The following PLXNA2 variants were observed in gnomAD, a reference collection of about 807,000 sequenced individuals.
PLXNA2 encodes plexin-A2.
Under a neutral mutation model 193.5 loss-of-function variants are expected in PLXNA2, and 91 were observed. That is an observed-to-expected ratio of 0.47 (90% CI 0.40 to 0.56). The LOEUF (loss-of-function observed/expected upper bound fraction) is 0.56. Ranked by LOEUF, PLXNA2 falls within the 20% of genes least tolerant of loss-of-function variation. PLXNA2 has a pLI of 0.00. For synonymous variants in PLXNA2, 997 were observed against 1,027.3 expected, an observed-to-expected ratio of 0.97 and a Z score of 0.56; for missense variants, 1,995 against 2,503.2, an observed-to-expected ratio of 0.80 and a Z score of 4.33.
At chr1:208,216,513 C>T (rs1671133868) in intron 2 of PLXNA2, among the ~76,000 whole-genome samples, 1 of 152,174 alleles carries the variant, frequency 6.6e-6, no homozygotes, top group Non-Finnish European at 1.5e-5. Flanking sequence ...TGTAGGCACT[C>T]AATACATATA....
chr1:208,227,585 G>C lies in PLXNA2; in HGVS notation c.-80-9583C>G, dbSNP rs1419351810. ...TACTTTATGTTAAAGGTCAAAACTT[G>C]AGGCTCCACAGTTCCATTTATGTCT... On this transcript the variant is annotated intron_variant, in intron 1 of 31. Transcript: ENST00000367033. Among the ~76,000 whole-genome samples the C allele has an allele frequency of 2.0e-5, 3 of 152,176 alleles. No homozygotes were observed. In the East Asian group the frequency reaches 5.8e-4, roughly 29 times the overall value.
At chr1:208,052,180 A>C in intron 15 of PLXNA2, 147 bp downstream of exon 15, 1 of 714,552 alleles carries the variant, frequency 1.4e-6, no homozygotes, top group South Asian at 1.9e-5. Context: ...TATATTTCTC[A>C]CAGTGACCGG....
intron 1 of PLXNA2, among the ~76,000 whole-genome samples, chr1:208,231,378 TGGA>T (rs1671687883): frequency 6.6e-6 from 1 of 151,874 alleles, no homozygotes; most frequent in African/African-American, 2.4e-5. Context: ...AGAAAGAATG[TGGA>T]GGTCAAGGAG....
At chr1:208,081,159 C>T (rs565313810) in intron 11 of PLXNA2, among the ~76,000 whole-genome samples, 1 of 152,330 alleles carries the variant, frequency 6.6e-6, no homozygotes, top group Admixed American at 6.5e-5. Flanking sequence ...AGCCCAGATC[C>T]CCAGCAGGGT....
chr1:208,104,714 T>C (rs1667206828), intron 4 of PLXNA2, among the ~76,000 whole-genome samples: 1 of 152,092 alleles, frequency 6.6e-6, no homozygotes, highest in Non-Finnish European at 1.5e-5. Context: ...CTCTTGGGTG[T>C]CCCCACCCAT....
At chr1:208,143,640 C>T (rs1341293565) in intron 3 of PLXNA2, among the ~76,000 whole-genome samples, 1 of 152,144 alleles carries the variant, frequency 6.6e-6, no homozygotes, top group African/African-American at 2.4e-5. Flanking sequence ...TTTCACTGTC[C>T]TCTGCCCATC....
At chr1:208,224,064 C>A (rs1218154610) in intron 1 of PLXNA2, among the ~76,000 whole-genome samples, 1 of 152,184 alleles carries the variant, frequency 6.6e-6, no homozygotes, top group African/African-American at 2.4e-5. Flanking sequence ...GCTGTACGTG[C>A]AAGCATTCTG....
At chr1:208,034,248 C>T (rs1664599571) in intron 27 of PLXNA2, among the ~76,000 whole-genome samples, 1 of 152,264 alleles carries the variant, frequency 6.6e-6, no homozygotes, top group Non-Finnish European at 1.5e-5. Flanking sequence ...CTGGGCCACT[C>T]CGACTCCTCT....
Position 208,103,157 on chromosome 1 carries a change from G to T in PLXNA2, c.1597C>A (p.Leu533Met), listed in dbSNP as rs1337678398. 1.3e-5 allele frequency: 21 copies of T among 1,613,098 alleles called. No homozygotes were observed. Among genetic ancestry groups the T allele is most frequent in the Non-Finnish European group, 1.8e-5 (21 of 1,179,230 alleles). ...SGDPHCGWCA[L>M]HNMCSRRDKC... ...ATACCCCAAACTTACATGTTGTGCA[G>T]GGCACACCAGCCACAGTGAGGGTCC... The change falls in exon 5 of 32, where the codon CTG (leucine) becomes ATG (methionine). Residue 533 changes from leucine (L) to methionine (M), a missense_variant. This residue lies in a region of PLXNA2 where 702 missense variants were observed against 812.9 expected (regional missense o/e 0.86). Coordinates refer to ENST00000367033, the MANE Select transcript of PLXNA2 (RefSeq NM_025179.4).
intron 2 of PLXNA2, among the ~76,000 whole-genome samples, chr1:208,213,865 G>A (rs900161057): frequency 2.0e-4 from 30 of 152,192 alleles, no homozygotes; most frequent in African/African-American, 7.2e-4. Flanking sequence ...CCCACTCACT[G>A]TCACCTCTCT....
intron 1 of PLXNA2, among the ~76,000 whole-genome samples, chr1:208,218,427 AG>A (rs1271876551): frequency 6.6e-6 from 1 of 152,134 alleles, no homozygotes; most frequent in Non-Finnish European, 1.5e-5. Flanking sequence ...CTTGTTAGGC[AG>A]GCCCTCCCCC....
chr1:208,078,675 C>A (rs775042677), intron 12 of PLXNA2, among the ~76,000 whole-genome samples: 1 of 152,180 alleles, frequency 6.6e-6, no homozygotes, highest in African/African-American at 2.4e-5. Flanking sequence ...GCATTTTCAT[C>A]CACATCATCT....
At position 208,027,347 on chromosome 1, in the gene PLXNA2, C is replaced by A; in HGVS notation, c.5590-9G>T. ...TCTAGGGCCCCGATGAGCTGAGGAG[C>A]AAAAACAAAGGCAGGAAGACTTCAG... On this transcript the variant is annotated splice_polypyrimidine_tract_variant and intron_variant, in intron 31 of 31. Transcript: ENST00000367033. 1 of 1,610,546 alleles carries A rather than the reference C, an allele frequency of 6.2e-7. No individual in the cohort carries two copies. The highest frequency in any genetic ancestry group is 8.5e-7 in the Non-Finnish European group (1 of 1,179,286).
intron 4 of PLXNA2, among the ~76,000 whole-genome samples, chr1:208,128,523 A>C (rs1365230230): frequency 6.6e-6 from 1 of 152,066 alleles, no homozygotes; most frequent in Non-Finnish European, 1.5e-5. Context: ...AGGATACGCT[A>C]GGCCATATCA....
chr1:208,036,253 A>C (rs1664666867), intron 26 of PLXNA2, among the ~76,000 whole-genome samples: 1 of 152,238 alleles, frequency 6.6e-6, no homozygotes, highest in Non-Finnish European at 1.5e-5. Context: ...TCACACTCCC[A>C]GGGAGAACAG....
At chr1:208,154,378 T>C (rs555317395) in intron 3 of PLXNA2, among the ~76,000 whole-genome samples, 3 of 152,292 alleles carry the variant, frequency 2.0e-5, no homozygotes, top group Admixed American at 6.5e-5. Flanking sequence ...GTAGGCAAAG[T>C]GCAGCCTCTA....
intron 8 of PLXNA2, among the ~76,000 whole-genome samples, chr1:208,093,173 A>T (rs1430915911): frequency 2.0e-5 from 3 of 152,152 alleles, no homozygotes; most frequent in Non-Finnish European, 1.5e-5. Flanking sequence ...GATTATTCAC[A>T]TTTTCAGGAA....
intron 9 of PLXNA2, among the ~76,000 whole-genome samples, 177 bp from the exon 10 acceptor site, chr1:208,084,757 T>C (rs10159299): frequency 0.44 from 67,011 of 152,098 alleles, 15,021 homozygotes; most frequent in Non-Finnish European, 0.46. Flanking sequence ...GGCTTTGATA[T>C]TGTCATCCCC....
intron 1 of PLXNA2, among the ~76,000 whole-genome samples, chr1:208,229,453 T>C (rs1390430052): frequency 6.6e-6 from 1 of 152,192 alleles, no homozygotes; most frequent in Non-Finnish European, 1.5e-5. Context: ...GGTGCCCAGG[T>C]GTGCTCATTT....
Sources: gnomAD v4.1 joint callset for allele counts (sites outside exome capture counted in the v4.1 genomes callset) on GRCh38, gnomAD v4.1.1 for gene constraint, gnomAD v4.1.1 regional missense constraint, MANE v1.5 for transcripts, NCBI Gene and HGNC (gene_info 2026-07-23, HGNC 2026-07-21) for gene names.